The following MAML3 variants were observed in gnomAD, a reference collection of about 807,000 sequenced individuals.
MAML3 encodes mastermind-like protein 3.
A neutral mutation model predicts 101.9 loss-of-function variants in MAML3; 27 were observed. The observed-to-expected ratio is 0.27, with a 90% confidence interval of 0.20 to 0.37. The LOEUF is 0.37. MAML3 is among the 10% of genes least tolerant of loss of function. The pLI, the probability that MAML3 is intolerant of heterozygous loss-of-function variation, is 1.00. For synonymous variants in MAML3, 501 were observed against 555.9 expected (o/e 0.90, Z 1.39); for missense variants, 1,316 against 1,444.9 (o/e 0.91, Z 1.45).
At chr4:139,850,306 A>C (rs17288919) in intron 2 of MAML3, among the ~76,000 whole-genome samples, 38,392 of 152,186 alleles carry the variant, frequency 0.25, 6,204 homozygotes, top group Non-Finnish European at 0.36. Flanking sequence ...TCGTTCATCC[A>C]GTTAATCTCA....
chr4:139,894,704 G>A (rs1048999955), intron 1 of MAML3, among the ~76,000 whole-genome samples: 2 of 140,310 alleles, frequency 1.4e-5, no homozygotes, highest in African/African-American at 2.5e-5. Flanking sequence ...AGGCCCTAAC[G>A]GGAACATGTT....
chr4:140,030,807 G>T (rs1204128321), intron 1 of MAML3, among the ~76,000 whole-genome samples: 1 of 152,180 alleles, frequency 6.6e-6, no homozygotes, highest in South Asian at 2.1e-4. Context: ...TAACAGAGGA[G>T]ACATTCTAAA....
chr4:139,841,992 C>G (rs1406057823), intron 2 of MAML3, among the ~76,000 whole-genome samples: 1 of 152,152 alleles, frequency 6.6e-6, no homozygotes, highest in Non-Finnish European at 1.5e-5. Flanking sequence ...TTGTCCAGGA[C>G]CAAGTCCAGG....
At position 140,075,564 on chromosome 4, in the gene MAML3, T is replaced by C. The variant is rs559463069; in HGVS notation, c.468+77296A>G. On this transcript the variant is annotated intron_variant, in intron 1 of 4. Coordinates refer to ENST00000509479, the MANE Select transcript of MAML3 (RefSeq NM_018717.5). ...TTTTATTTTATTTTTAGAGATAGGA[T>C]GTCACTCTATCACCCAGACTGGAGT... 2.0e-5 allele frequency among the ~76,000 whole-genome samples: 3 copies of C among 152,314 alleles called. No homozygotes were observed. In the East Asian group the frequency reaches 5.8e-4, roughly 29 times the overall value.
intron 1 of MAML3, among the ~76,000 whole-genome samples, chr4:139,987,525 T>G (rs1234375828): frequency 6.6e-6 from 1 of 152,176 alleles, no homozygotes; most frequent in African/African-American, 2.4e-5. Context: ...AAAATCAGCC[T>G]CTCTGTGTTT....
intron 2 of MAML3, among the ~76,000 whole-genome samples, chr4:139,766,361 G>A (rs1398625669): frequency 2.6e-5 from 4 of 152,094 alleles, no homozygotes; most frequent in African/African-American, 9.7e-5. Flanking sequence ...TAGTAGAGAC[G>A]GGGTTTCACC....
chr4:139,966,848 A>C lies in MAML3; in HGVS notation c.469-75881T>G, dbSNP rs373850773. Among the ~76,000 whole-genome samples the C allele has an allele frequency of 8.6e-4, 131 of 152,326 alleles. 1 individual carries two copies. The highest frequency in any genetic ancestry group is 3.1e-3 in the African/African-American group (129 of 41,570). On this transcript the variant is annotated intron_variant, in intron 1 of 4. Coordinates refer to ENST00000509479, the MANE Select transcript of MAML3 (RefSeq NM_018717.5). ...TCACAACACTGGACCTTCTTGAATG[A>C]CTGCGATACAGCCCTCCTGACTTCC...
At chr4:140,121,274 G>A (rs1728602452) in intron 1 of MAML3, among the ~76,000 whole-genome samples, 1 of 152,174 alleles carries the variant, frequency 6.6e-6, no homozygotes, top group Admixed American at 6.5e-5. Flanking sequence ...CATGGCCAAG[G>A]TGAAATTTAA....
At chr4:139,806,632 C>T (rs763548727) in intron 2 of MAML3, among the ~76,000 whole-genome samples, 1 of 152,022 alleles carries the variant, frequency 6.6e-6, no homozygotes, top group Non-Finnish European at 1.5e-5. Context: ...GTCAGAAATT[C>T]CACTGAAGAT....
intron 2 of MAML3, among the ~76,000 whole-genome samples, chr4:139,732,649 T>A (rs182540733): frequency 3.3e-5 from 5 of 151,756 alleles, no homozygotes; most frequent in Admixed American, 2.0e-4. Flanking sequence ...AAAAAAAAAA[T>A]TTCCATAAGT....
At chr4:139,813,893 A>T (rs1578613583) in intron 2 of MAML3, among the ~76,000 whole-genome samples, 1 of 152,306 alleles carries the variant, frequency 6.6e-6, no homozygotes, top group East Asian at 1.9e-4. Flanking sequence ...TCTGTGAATG[A>T]TTTCAGGACA....
At chr4:140,097,358 C>T (rs79008894) in intron 1 of MAML3, among the ~76,000 whole-genome samples, 5,610 of 152,296 alleles carry the variant, frequency 0.037, 158 homozygotes, top group Middle Eastern at 0.061. Context: ...CATCTCAGCT[C>T]CTTCAGTGTA....
intron 2 of MAML3, among the ~76,000 whole-genome samples, chr4:139,831,704 G>A (rs560475281): frequency 2.0e-4 from 30 of 152,174 alleles, no homozygotes; most frequent in Non-Finnish European, 3.2e-4. Flanking sequence ...GATCCTGGGC[G>A]TGTGGCCAGG....
intron 1 of MAML3, among the ~76,000 whole-genome samples, chr4:140,025,016 C>T (rs1283008242): frequency 6.6e-6 from 1 of 152,172 alleles, no homozygotes; most frequent in Non-Finnish European, 1.5e-5. Context: ...GCTATGTTTC[C>T]AAATTATTCA....
At chr4:140,053,711 C>A (rs529242468) in intron 1 of MAML3, among the ~76,000 whole-genome samples, 21 of 152,232 alleles carry the variant, frequency 1.4e-4, no homozygotes, top group African/African-American at 4.8e-4. Flanking sequence ...AGGACAAAAT[C>A]GAGGCTCTAA....
intron 2 of MAML3, among the ~76,000 whole-genome samples, chr4:139,874,006 A>G (rs1362429573): frequency 6.6e-6 from 1 of 152,200 alleles, no homozygotes. Flanking sequence ...AGTTTTATTA[A>G]AAGGTCTTTT....
rs71584337 is a variant in MAML3 at position 139,842,762 on chromosome 4, CTTTTTTTTTTTTTTTTT to C, written c.2079+46578_2079+46594del. Among the ~76,000 whole-genome samples the C allele has an allele frequency of 3.2e-4, 10 of 30,966 alleles. No individual in the cohort carries two copies. In the East Asian group the frequency reaches 4.2e-3, roughly 13 times the overall value. 20.3% of individuals were successfully genotyped at this position (30,966 alleles called of 152,430 possible). On this transcript the variant is annotated intron_variant, in intron 2 of 4. Transcript: ENST00000509479. ...TCCTGGCCTCAAGTTATCCGCTTGC[CTTTTTTTTTTTTTTTTT>C]TTTTTTTTTTTTTTTTTGAGACAGA...
At chr4:139,800,329 A>G (rs1730582538) in intron 2 of MAML3, among the ~76,000 whole-genome samples, 1 of 152,198 alleles carries the variant, frequency 6.6e-6, no homozygotes. Flanking sequence ...AGAGTGTTGC[A>G]CAGAAGTCTA....
intron 1 of MAML3, among the ~76,000 whole-genome samples, chr4:139,998,185 C>T (rs962750072): frequency 6.6e-6 from 1 of 152,108 alleles, no homozygotes; most frequent in African/African-American, 2.4e-5. Flanking sequence ...GCTAATTTTT[C>T]AATCCTTTAC....
Sources: allele counts gnomAD v4.1 joint callset (sites outside exome capture counted in the v4.1 genomes callset), GRCh38; gene constraint gnomAD v4.1.1; transcripts MANE v1.5; gene names NCBI Gene and HGNC (gene_info 2026-07-23, HGNC 2026-07-21).